The following CNTN4 variants were observed in gnomAD, a reference collection of about 807,000 sequenced individuals.
The protein encoded by CNTN4 is contactin 4.
Under a neutral mutation model 122.5 loss-of-function variants are expected in CNTN4, and 77 were observed. That is an observed-to-expected ratio of 0.63 (90% CI 0.52 to 0.76). CNTN4 has a LOEUF of 0.76. Among genes scored for constraint, CNTN4 ranks in the 30% least tolerant of loss-of-function variants. The probability of loss-of-function intolerance (pLI) is 0.00; values close to 1 mark genes in which losing one functional copy is unlikely to be tolerated. For synonymous variants in CNTN4, 512 were observed against 447.0 expected (o/e 1.15, Z -1.83); for missense variants, 1,256 against 1,259.1 (o/e 1.00, Z 0.04).
chr3:3,008,628 C>G (rs1469993234), intron 14 of CNTN4, among the ~76,000 whole-genome samples: 2 of 152,202 alleles, frequency 1.3e-5, no homozygotes, highest in Admixed American at 6.5e-5. Flanking sequence ...CTAAGTCGTT[C>G]CGTGTCTAAG....
At chr3:2,423,580 AAG>A (rs1482910041) in intron 3 of CNTN4, among the ~76,000 whole-genome samples, 1 of 152,106 alleles carries the variant, frequency 6.6e-6, no homozygotes, top group African/African-American at 2.4e-5. Flanking sequence ...TTCACTACAA[AAG>A]AGAAAAGATG....
intron 7 of CNTN4, among the ~76,000 whole-genome samples, chr3:2,839,413 C>CAAA (rs376701943): frequency 1.5e-5 from 2 of 136,046 alleles, no homozygotes; most frequent in Non-Finnish European, 3.2e-5. Flanking sequence ...TTGCTTTTAC[C>CAAA]AAAAAAAAAA....
At chr3:2,144,528 G>A (rs1313490979) in intron 2 of CNTN4, among the ~76,000 whole-genome samples, 4 of 152,126 alleles carry the variant, frequency 2.6e-5, no homozygotes, top group Non-Finnish European at 5.9e-5. Context: ...AGGGGTTCAG[G>A]GATGGGTGGC....
At chr3:2,287,752 AAGAAGAAGAAGAAGAAGAAGAAGAAGG>A (rs2041990048) in intron 2 of CNTN4, among the ~76,000 whole-genome samples, 1 of 141,208 alleles carries the variant, frequency 7.1e-6, no homozygotes, top group African/African-American at 2.8e-5. Context: ...GAAGAAGAAG[AAGAAGAAGAAGAAGAAGAAGAAGAAGG>A]AGAAGAAGAG....
At chr3:2,850,188 C>T (rs1242001545) in intron 7 of CNTN4, among the ~76,000 whole-genome samples, 1 of 152,038 alleles carries the variant, frequency 6.6e-6, no homozygotes, top group African/African-American at 2.4e-5. Context: ...CCAGGTTTCA[C>T]CATGTTGGCC....
intron 2 of CNTN4, among the ~76,000 whole-genome samples, chr3:2,265,814 A>T (rs1207510715): frequency 6.7e-6 from 1 of 150,054 alleles, no homozygotes; most frequent in Admixed American, 6.7e-5. Context: ...GATTCCTAGA[A>T]TTTTTTTTGT....
intron 3 of CNTN4, among the ~76,000 whole-genome samples, chr3:2,503,434 A>G (rs2076649646): frequency 6.6e-6 from 1 of 152,192 alleles, no homozygotes. Context: ...CATCTTTATT[A>G]TAGCTATCAT....
At chr3:2,835,050 GC>G (rs992978720) in intron 7 of CNTN4, among the ~76,000 whole-genome samples, 22 of 151,546 alleles carry the variant, frequency 1.5e-4, no homozygotes, top group Non-Finnish European at 2.9e-4. Flanking sequence ...GACTACAGGC[GC>G]CCGCCACCAC....
At chr3:3,031,029 G>C (rs1042301356) in intron 16 of CNTN4, 54 bp downstream of exon 16, 28 of 1,608,918 alleles carry the variant, frequency 1.7e-5, no homozygotes, top group Non-Finnish European at 2.1e-5. Context: ...GATATCTACT[G>C]TAGCGCAGAG....
chr3:2,868,438 A>C (rs7637662), intron 8 of CNTN4, among the ~76,000 whole-genome samples: 71,685 of 151,988 alleles, frequency 0.47, 17,669 homozygotes, highest in East Asian at 0.91. Context: ...CAAATGCAAG[A>C]CGGGAACTCA....
At chr3:2,121,973 G>A (rs1288409094) in intron 2 of CNTN4, among the ~76,000 whole-genome samples, 3 of 151,876 alleles carry the variant, frequency 2.0e-5, no homozygotes, top group Non-Finnish European at 4.4e-5. Context: ...AGACCACGGT[G>A]AAACCCCGTC....
intron 3 of CNTN4, among the ~76,000 whole-genome samples, chr3:2,402,470 C>A (rs1321426083): frequency 6.6e-6 from 1 of 152,056 alleles, no homozygotes; most frequent in African/African-American, 2.4e-5. Flanking sequence ...TATTTTGAAA[C>A]AAACATACAA....
intron 6 of CNTN4, among the ~76,000 whole-genome samples, chr3:2,771,986 G>T (rs1053762338): frequency 6.6e-6 from 1 of 152,164 alleles, no homozygotes; most frequent in African/African-American, 2.4e-5. Flanking sequence ...ATATGCACGG[G>T]ACATGGAAAC....
intron 2 of CNTN4, among the ~76,000 whole-genome samples, chr3:2,239,765 C>A (rs1021050451): frequency 6.6e-6 from 1 of 152,096 alleles, no homozygotes; most frequent in Non-Finnish European, 1.5e-5. Flanking sequence ...AGGGATAAGA[C>A]AATAAAAGGG....
In CNTN4 at chr3:2,759,391, C is replaced by A. The variant is rs551165542; in HGVS notation, c.358+13694C>A. Among the ~76,000 whole-genome samples, 23 of 152,274 alleles carry A rather than the reference C, an allele frequency of 1.5e-4. No individual in the cohort carries two copies. In the East Asian group the frequency reaches 4.4e-3, roughly 29 times the overall value. ...TGAACTCCTGACCTCAGGTGATCTGCCCGCCTCGGCCTCCCAAAGTGCTGG... is the reference window on the plus strand; with the variant it reads ...TGAACTCCTGACCTCAGGTGATCTGACCGCCTCGGCCTCCCAAAGTGCTGG... On this transcript the variant is annotated intron_variant, in intron 6 of 24. Transcript: ENST00000418658.
intron 3 of CNTN4, among the ~76,000 whole-genome samples, chr3:2,519,871 G>T (rs1177912140): frequency 6.6e-6 from 1 of 152,144 alleles, no homozygotes; most frequent in Non-Finnish European, 1.5e-5. Context: ...AAAATATGCG[G>T]ATTCACATCA....
intron 3 of CNTN4, among the ~76,000 whole-genome samples, chr3:2,509,117 G>A (rs191184381): frequency 2.6e-5 from 4 of 152,254 alleles, no homozygotes; most frequent in East Asian, 1.9e-4. Context: ...AAACTATTTC[G>A]GCTGTACCAC....
chr3:2,125,196 A>G (rs1342730606), intron 2 of CNTN4, among the ~76,000 whole-genome samples: 2 of 152,110 alleles, frequency 1.3e-5, no homozygotes, highest in Admixed American at 1.3e-4. Context: ...GATACCTTAT[A>G]TAAGTAGAAT....
intron 2 of CNTN4, among the ~76,000 whole-genome samples, chr3:2,281,744 C>A (rs73008845): frequency 6.6e-6 from 1 of 151,876 alleles, no homozygotes; most frequent in Non-Finnish European, 1.5e-5. Context: ...TTTTGTTTAT[C>A]GTAGTATAAT....
Sources: allele counts gnomAD v4.1 joint callset (sites outside exome capture counted in the v4.1 genomes callset), GRCh38; gene constraint gnomAD v4.1.1; transcripts MANE v1.5; gene names NCBI Gene and HGNC (gene_info 2026-07-23, HGNC 2026-07-21).